The following AIFM1 variants were observed in gnomAD, a reference collection of about 807,000 sequenced individuals.
AIFM1 encodes apoptosis inducing factor mitochondria associated 1.
Under a neutral mutation model 51.7 loss-of-function variants are expected in AIFM1, and 3 were observed. The ratio of observed to expected loss-of-function variants is 0.06; its 90% CI spans 0.03 to 0.15. The LOEUF (loss-of-function observed/expected upper bound fraction) is 0.15. Ranked by LOEUF, AIFM1 falls within the 10% of genes least tolerant of loss-of-function variation. The pLI is 1.00. For synonymous variants in AIFM1, 178 were observed against 179.4 expected (o/e 0.99, Z 0.06); for missense variants, 330 against 476.8 (o/e 0.69, Z 2.87).
chrX:130,145,185 A>G (rs1450474654), intron 6 of AIFM1, among the ~76,000 whole-genome samples: 1 of 112,091 alleles, frequency 8.9e-6, no homozygotes, highest in Non-Finnish European at 1.9e-5. Flanking sequence ...CTCATCGATA[A>G]TCCCAGAGAG....
At chrX:130,134,788 A>G in intron 12 of AIFM1, among the ~76,000 whole-genome samples, 1 of 112,031 alleles carries the variant, frequency 8.9e-6, no homozygotes. Flanking sequence ...AAAGCAACCT[A>G]AAAATCCAAC....
chrX:130,134,313 T>A (rs770579273), intron 12 of AIFM1, among the ~76,000 whole-genome samples: 1 of 111,611 alleles, frequency 9.0e-6, no homozygotes, highest in East Asian at 2.8e-4. Flanking sequence ...TTTACTTATG[T>A]CTACTTCCTG....
chrX:130,163,859 A>G lies in AIFM1; in HGVS notation c.106+1692T>C, dbSNP rs141106030. 7.4e-3 allele frequency among the ~76,000 whole-genome samples: 819 copies of G among 111,371 alleles called. 2 individuals are homozygous for G. The highest frequency in any genetic ancestry group is 0.023 in the African/African-American group (711 of 30,626). The stretch of plus-strand genomic sequence containing the variant: ...AAGTTTGAAAGGCCAGTGTGGATGA[A>G]AAAATTCAGGTTATCGCCGGGCGCG... On this transcript the variant is annotated intron_variant, in intron 1 of 15. Coordinates refer to ENST00000287295, the MANE Select transcript of AIFM1 (RefSeq NM_004208.4).
intron 1 of AIFM1, among the ~76,000 whole-genome samples, chrX:130,160,713 C>T (rs193008253): frequency 4.2e-4 from 47 of 110,658 alleles, no homozygotes; most frequent in Non-Finnish European, 7.2e-4. Context: ...CCATCGTGCC[C>T]GGATAACTGA....
chrX:130,154,832 TGTTA>T (rs760258549), intron 2 of AIFM1, among the ~76,000 whole-genome samples: 1 of 112,803 alleles, frequency 8.9e-6, no homozygotes, highest in East Asian at 2.8e-4. Context: ...GAGACTGTCT[TGTTA>T]GATATGCAGC....
rs2030281246 is a variant in AIFM1 at position 130,135,303 on chromosome X, T to C, written c.1305+742A>G. 2.7e-5 allele frequency among the ~76,000 whole-genome samples: 3 copies of C among 109,545 alleles called. No homozygotes were observed. In the East Asian group the frequency reaches 8.6e-4, roughly 31 times the overall value. On this transcript the variant is annotated intron_variant, in intron 12 of 15. Coordinates refer to ENST00000287295, the MANE Select transcript of AIFM1 (RefSeq NM_004208.4). ...GGTTTCACCATGTTAGCCAGGCTGG[T>C]CTCAAACTCCTGATCTCAAGTGATC...
At chrX:130,136,882 CATTTT>C in intron 10 of AIFM1, 151 bp from the exon 11 acceptor site, 1 of 1,019,980 alleles carries the variant, frequency 9.8e-7, no homozygotes, top group Non-Finnish European at 1.3e-6. Context: ...ACCCATGGTT[CATTTT>C]CAGCACTTCC....
chrX:130,161,837 C>A (rs1391450941), intron 1 of AIFM1, among the ~76,000 whole-genome samples: 1 of 111,162 alleles, frequency 9.0e-6, no homozygotes, highest in African/African-American at 3.3e-5. Flanking sequence ...GAACTTCCAA[C>A]CTCAAGTGAT....
At chrX:130,153,391 CT>C (rs1297810670) in intron 2 of AIFM1, among the ~76,000 whole-genome samples, 5 of 105,934 alleles carry the variant, frequency 4.7e-5, no homozygotes, top group Non-Finnish European at 9.7e-5. Context: ...AGTTTACTCC[CT>C]TTTTTTGGAG....
At position 130,137,169 on chromosome X, in the gene AIFM1, T is replaced by G. The variant is rs2030380509; in HGVS notation, c.984A>C (p.Thr328=). The change falls in exon 10 of 16, where the codon ACA becomes ACC. Residue 328 remains threonine, a synonymous_variant. Transcript: ENST00000287295. ...ALGRKARALG[T]EVIQLFPEKG... is the part of the protein sequence containing the mutation. ...TCTCGGGGAAGAGTTGAATCACTTC[T>G]GTGCCCAAGGCTCGAGCTGGGAAGA... 8.3e-7 allele frequency: 1 copy of G among 1,209,698 alleles called. No individual in the cohort carries two copies. The highest frequency in any genetic ancestry group is 2.2e-5 in the Admixed American group (1 of 45,728).
At chrX:130,129,826 T>C (rs2029987057) in intron 15 of AIFM1, 144 bp downstream of exon 15, 5 of 852,298 alleles carry the variant, frequency 5.9e-6, no homozygotes, top group Non-Finnish European at 6.9e-6. Context: ...AGAATGTTCC[T>C]GAGCCAAGGC....
At chrX:130,131,224 C>T (rs1361569532) in intron 14 of AIFM1, among the ~76,000 whole-genome samples, 1 of 111,951 alleles carries the variant, frequency 8.9e-6, no homozygotes, top group Admixed American at 9.5e-5. Flanking sequence ...CCCAGTTCCT[C>T]CCTGCGCAGG....
At chrX:130,155,903 C>A (rs1157186068) in intron 2 of AIFM1, among the ~76,000 whole-genome samples, 1 of 112,107 alleles carries the variant, frequency 8.9e-6, no homozygotes, top group Non-Finnish European at 1.9e-5. Flanking sequence ...CAATTAAACA[C>A]CATATTTCTC....
chrX:130,162,527 A>G (rs2031385043), intron 1 of AIFM1, among the ~76,000 whole-genome samples: 1 of 112,294 alleles, frequency 8.9e-6, no homozygotes, highest in East Asian at 2.8e-4. Flanking sequence ...AGAAAATGTA[A>G]CTTATTAACT....
At chrX:130,144,179 TTCA>T in intron 6 of AIFM1, among the ~76,000 whole-genome samples, 1 of 111,334 alleles carries the variant, frequency 9.0e-6, no homozygotes, top group South Asian at 3.8e-4. Flanking sequence ...CTTCTTCTTC[TTCA>T]TCATCATCAT....
At chrX:130,156,716 G>A (rs1451940781) in intron 1 of AIFM1, 113 bp from the exon 2 acceptor site, 32 of 835,722 alleles carry the variant, frequency 3.8e-5, no homozygotes, top group South Asian at 1.7e-4. Flanking sequence ...GATATTCACC[G>A]TTAAATGATC....
At chrX:130,153,865 T>C (rs1259879580) in intron 2 of AIFM1, among the ~76,000 whole-genome samples, 1 of 112,183 alleles carries the variant, frequency 8.9e-6, no homozygotes, top group African/African-American at 3.2e-5. Flanking sequence ...TAAACCTCTG[T>C]TGTTTAAGCC....
intron 3 of AIFM1, 183 bp from the exon 4 acceptor site, chrX:130,148,059 C>T (rs2030819585): frequency 1.9e-6 from 1 of 538,811 alleles, no homozygotes; most frequent in African/African-American, 2.3e-5. Flanking sequence ...GCAAGTATCC[C>T]TTTCATTTCA....
chrX:130,146,264 C>A (rs1345148129), intron 5 of AIFM1, among the ~76,000 whole-genome samples: 1 of 110,658 alleles, frequency 9.0e-6, no homozygotes, highest in Non-Finnish European at 1.9e-5. Context: ...ATAGCAACAT[C>A]TCGTCTCTAG....
Sources: gnomAD v4.1 joint callset for allele counts (sites outside exome capture counted in the v4.1 genomes callset) on GRCh38, gnomAD v4.1.1 for gene constraint, MANE v1.5 for transcripts, NCBI Gene and HGNC (gene_info 2026-07-23, HGNC 2026-07-21) for gene names.